Variants in SNX4 observed in about 807,000 individuals in gnomAD.
SNX4 encodes sorting nexin 4, also known as sorting nexin-4.
In SNX4, 49 loss-of-function variants were observed where a neutral mutation model predicts 70.8. The ratio of observed to expected loss-of-function variants is 0.69; its 90% CI spans 0.55 to 0.88. The LOEUF (loss-of-function observed/expected upper bound fraction) is 0.88. Among genes scored for constraint, SNX4 ranks in the 40% least tolerant of loss-of-function variants. The pLI, the probability that SNX4 is intolerant of heterozygous loss-of-function variation, is 0.00. For synonymous variants in SNX4, 206 were observed against 183.8 expected (o/e 1.12, Z -0.98); for missense variants, 528 against 544.8 (o/e 0.97, Z 0.31).
chr3:125,482,991 T>C (rs1934448945), intron 6 of SNX4, among the ~76,000 whole-genome samples: 1 of 152,064 alleles, frequency 6.6e-6, no homozygotes, highest in Non-Finnish European at 1.5e-5. Context: ...TAACATGGTG[T>C]TACTCTCTGG....
chr3:125,461,664 A>ATT (rs750573774), intron 9 of SNX4, among the ~76,000 whole-genome samples: 18 of 144,894 alleles, frequency 1.2e-4, no homozygotes, highest in Admixed American at 2.8e-4. Context: ...TTTTATACTA[A>ATT]TTTTTTTTTT....
chr3:125,479,065 ATT>A (rs1311574257), intron 7 of SNX4, among the ~76,000 whole-genome samples: 1 of 152,082 alleles, frequency 6.6e-6, no homozygotes, highest in Non-Finnish European at 1.5e-5. Context: ...CCTTTATTGT[ATT>A]TTTTCTGTAC....
chr3:125,463,006 A>G (rs1018976622), intron 9 of SNX4, among the ~76,000 whole-genome samples: 1 of 152,220 alleles, frequency 6.6e-6, no homozygotes, highest in African/African-American at 2.4e-5. Flanking sequence ...GACAGGGGCT[A>G]TGTGTATGTA....
At chr3:125,455,279 C>T (rs926479610) in intron 11 of SNX4, among the ~76,000 whole-genome samples, 3 of 152,062 alleles carry the variant, frequency 2.0e-5, no homozygotes, top group Non-Finnish European at 2.9e-5. Context: ...AAATATTAGA[C>T]GTTATTTCTT....
chr3:125,510,590 G>A (rs1935149410), intron 1 of SNX4, among the ~76,000 whole-genome samples: 1 of 152,180 alleles, frequency 6.6e-6, no homozygotes, highest in African/African-American at 2.4e-5. Context: ...CCTTAAAAAG[G>A]AAGGAAATTC....
chr3:125,502,810 C>T (rs1207594761), intron 2 of SNX4, among the ~76,000 whole-genome samples: 1 of 143,832 alleles, frequency 7.0e-6, no homozygotes, highest in African/African-American at 2.6e-5. Context: ...GCCGAGATCG[C>T]GCCACCGCAC....
intron 7 of SNX4, 61 bp from the exon 8 acceptor site, chr3:125,476,817 T>C (rs561864287): frequency 3.2e-5 from 32 of 1,015,340 alleles, no homozygotes; most frequent in East Asian, 1.0e-4. Flanking sequence ...ATCTAAAAAA[T>C]AGACCCAAAA....
chr3:125,488,301 C>A (rs973368618), intron 6 of SNX4, among the ~76,000 whole-genome samples: 4 of 151,226 alleles, frequency 2.6e-5, no homozygotes, highest in Non-Finnish European at 5.9e-5. Flanking sequence ...CACGGCAAAA[C>A]CCCATCTCTA....
intron 9 of SNX4, among the ~76,000 whole-genome samples, chr3:125,467,238 T>A (rs1344679517): frequency 6.6e-6 from 1 of 151,804 alleles, no homozygotes; most frequent in Non-Finnish European, 1.5e-5. Flanking sequence ...AATACCAAAA[T>A]TAGCCGGGTG....
At chr3:125,456,762 G>A (rs1399419917) in intron 11 of SNX4, among the ~76,000 whole-genome samples, 4 of 152,306 alleles carry the variant, frequency 2.6e-5, no homozygotes, top group Admixed American at 6.5e-5. Context: ...CCTGGTTCAA[G>A]CAATTCTTCT....
At chr3:125,469,387 G>A in intron 9 of SNX4, 67 bp downstream of exon 9, 1 of 1,027,720 alleles carries the variant, frequency 9.7e-7, no homozygotes, top group Non-Finnish European at 1.5e-6. Flanking sequence ...CAGAAGAATA[G>A]AAGAGTCACT....
chr3:125,482,265 C>T (rs796537340), intron 6 of SNX4, among the ~76,000 whole-genome samples: 6 of 152,318 alleles, frequency 3.9e-5, no homozygotes, highest in African/African-American at 1.4e-4. Flanking sequence ...ATTTAGTAGA[C>T]ATTTGTACTT....
At chr3:125,482,283 T>C (rs1452660732) in intron 6 of SNX4, among the ~76,000 whole-genome samples, 1 of 152,226 alleles carries the variant, frequency 6.6e-6, no homozygotes, top group Non-Finnish European at 1.5e-5. Flanking sequence ...CTTGCTTCCA[T>C]AGCCAAAGCT....
chr3:125,494,114 G>A (rs1934728757), intron 5 of SNX4, among the ~76,000 whole-genome samples: 1 of 151,680 alleles, frequency 6.6e-6, no homozygotes. Flanking sequence ...GAAAATTAAA[G>A]TAAGATAACA....
At chr3:125,474,868 T>C (rs1934256302) in intron 8 of SNX4, among the ~76,000 whole-genome samples, 1 of 152,248 alleles carries the variant, frequency 6.6e-6, no homozygotes, top group Non-Finnish European at 1.5e-5. Flanking sequence ...CTATGGGATA[T>C]AATTTTTGTT....
intron 7 of SNX4, among the ~76,000 whole-genome samples, chr3:125,479,162 C>A (rs182931715): frequency 6.6e-5 from 10 of 152,236 alleles, no homozygotes; most frequent in Admixed American, 6.5e-4. Context: ...TCAGTAATTA[C>A]TATATAGCCA....
chr3:125,455,666 G>A (rs1050540338), intron 11 of SNX4, among the ~76,000 whole-genome samples: 10 of 152,142 alleles, frequency 6.6e-5, no homozygotes, highest in African/African-American at 2.4e-4. Context: ...ACATATATCT[G>A]TGACTTTTCA....
intron 6 of SNX4, 137 bp downstream of exon 6, chr3:125,489,271 C>G: frequency 1.5e-6 from 1 of 663,790 alleles, no homozygotes; most frequent in Admixed American, 3.2e-5. Flanking sequence ...CAGTTTTAGA[C>G]TTTAAAAGGA....
chr3:125,516,429 C>T (rs1935278669), intron 1 of SNX4, among the ~76,000 whole-genome samples: 1 of 152,156 alleles, frequency 6.6e-6, no homozygotes, highest in African/African-American at 2.4e-5. Flanking sequence ...TTTAAAGAAT[C>T]CTGATCAGTG....
Sources: allele counts gnomAD v4.1 joint callset (sites outside exome capture counted in the v4.1 genomes callset), GRCh38; gene constraint gnomAD v4.1.1; transcripts MANE v1.5; gene names NCBI Gene and HGNC (gene_info 2026-07-23, HGNC 2026-07-21).